EPN2: variants seen among roughly 807,000 people sequenced by gnomAD.
EPN2 encodes epsin-2.
In EPN2, 34 loss-of-function variants were observed where a neutral mutation model predicts 61.7. That is an observed-to-expected ratio of 0.55 (90% CI 0.42 to 0.73). EPN2 has a LOEUF of 0.73. Among genes scored for constraint, EPN2 ranks in the 30% least tolerant of loss-of-function variants. EPN2 has a pLI of 0.00. For missense variants in EPN2, 714 were observed against 839.2 expected (o/e 0.85, Z 1.84); for synonymous variants, 349 against 353.6 (o/e 0.99, Z 0.15).
chr17:19,273,697 T>A (rs2045278321), intron 1 of EPN2, among the ~76,000 whole-genome samples: 1 of 151,908 alleles, frequency 6.6e-6, no homozygotes, highest in Admixed American at 6.5e-5. Flanking sequence ...CAACAAGAAG[T>A]CATCAGAATA....
intron 7 of EPN2, among the ~76,000 whole-genome samples, chr17:19,320,724 T>C (rs1906598813): frequency 6.6e-6 from 1 of 152,194 alleles, no homozygotes. Flanking sequence ...GAAAGCTCCA[T>C]GTCTTAGATA....
intron 7 of EPN2, among the ~76,000 whole-genome samples, chr17:19,318,796 G>A (rs902811077): frequency 3.9e-5 from 6 of 152,032 alleles, no homozygotes; most frequent in Non-Finnish European, 7.4e-5. Context: ...CCTGGCCCAT[G>A]AGTCCTGGAT....
At chr17:19,266,642 T>G (rs1434539428) in intron 1 of EPN2, among the ~76,000 whole-genome samples, 1 of 151,832 alleles carries the variant, frequency 6.6e-6, no homozygotes, top group Non-Finnish European at 1.5e-5. Context: ...CACCTCGTGA[T>G]CTGCCCGCCT....
chr17:19,261,115 C>G (rs2045137139), intron 1 of EPN2, among the ~76,000 whole-genome samples: 1 of 152,198 alleles, frequency 6.6e-6, no homozygotes, highest in African/African-American at 2.4e-5. Flanking sequence ...GGGTGGCATC[C>G]CGCAGGCACA....
intron 7 of EPN2, among the ~76,000 whole-genome samples, chr17:19,325,885 A>G (rs1368662034): frequency 1.3e-5 from 2 of 152,250 alleles, no homozygotes; most frequent in East Asian, 3.8e-4. Context: ...ATTAGAATCA[A>G]TAATTGGAAT....
At chr17:19,265,136 C>A (rs889404385) in intron 1 of EPN2, among the ~76,000 whole-genome samples, 4 of 152,054 alleles carry the variant, frequency 2.6e-5, no homozygotes, top group Non-Finnish European at 4.4e-5. Flanking sequence ...CTCACACTTA[C>A]AATCTCAGCA....
Position 19,335,397 on chromosome 17 carries a change from T to TA in EPN2, c.*1144dup, listed in dbSNP as rs1345150002. On this transcript the variant is annotated 3_prime_UTR_variant, in exon 11 of 11. Coordinates refer to ENST00000314728, the MANE Select transcript of EPN2 (RefSeq NM_014964.5). ...TTTTTATCAACTAATTCCTTTTTTT[T>TA]ATTAAAGGCATGCAGGGATTAACAG... 9 of 1,548,302 alleles carry TA rather than the reference T, an allele frequency of 5.8e-6. No individual in the cohort carries two copies. Among genetic ancestry groups the TA allele is most frequent in the East Asian group, 2.4e-5 (1 of 40,914 alleles).
chr17:19,311,944 C>T, intron 5 of EPN2, 108 bp from the exon 6 acceptor site: 1 of 761,852 alleles, frequency 1.3e-6, no homozygotes, highest in South Asian at 1.6e-5. Flanking sequence ...TGAAATCTTC[C>T]TTTGAAATAC....
At position 19,321,501 on chromosome 17, in the gene EPN2, C is replaced by G. The variant is rs143714879; in HGVS notation, c.1148-7210C>G. Among the ~76,000 whole-genome samples, 1,020 of 152,240 alleles carry G rather than the reference C, an allele frequency of 6.7e-3. 15 individuals carry two copies. The highest frequency in any genetic ancestry group is 0.024 in the African/African-American group (979 of 41,534). ...TCTGTTGCCAGGGCAGGATCTGTCC[C>G]TTTTGAGACTGACTGGAAGTGGGTG... On this transcript the variant is annotated intron_variant, in intron 7 of 10. Coordinates refer to ENST00000314728, the MANE Select transcript of EPN2 (RefSeq NM_014964.5).
intron 7 of EPN2, among the ~76,000 whole-genome samples, chr17:19,318,653 CTGT>C (rs1176790751): frequency 1.3e-5 from 2 of 150,110 alleles, no homozygotes; most frequent in East Asian, 1.9e-4. Context: ...CTTAGCAGTG[CTGT>C]TGTTTGTTAT....
intron 5 of EPN2, 86 bp from the exon 6 acceptor site, chr17:19,311,966 A>G (rs1766037541): frequency 3.5e-6 from 3 of 855,808 alleles, no homozygotes; most frequent in African/African-American, 1.7e-5. Flanking sequence ...GCATCATACA[A>G]TGTGCATTTC....
At chr17:19,274,289 G>A (rs2045285039) in intron 1 of EPN2, 1 of 152,272 alleles carries the variant, frequency 6.6e-6, no homozygotes, top group Admixed American at 6.5e-5. Flanking sequence ...TCTGGTTGAT[G>A]GACCACACTG....
In EPN2 at chr17:19,286,921, C is replaced by A. The variant is rs192082849; in HGVS notation, c.766+1131C>A. 2.4e-3 allele frequency among the ~76,000 whole-genome samples: 368 copies of A among 152,196 alleles called. 2 individuals carry two copies. Among genetic ancestry groups the A allele is most frequent in the Admixed American group, 0.013 (194 of 15,292 alleles). On this transcript the variant is annotated intron_variant, in intron 4 of 10. Coordinates refer to ENST00000314728, the MANE Select transcript of EPN2 (RefSeq NM_014964.5). ...CATTGGAGTTACATGCCCATTTCAC[C>A]CCCCCAGATAGTCAGAGGCTGCTGT...
chr17:19,296,909 A>T (rs1426771616), intron 4 of EPN2: 1 of 152,236 alleles, frequency 6.6e-6, no homozygotes. Context: ...ATGCCTGGCC[A>T]CGTGTTGGTG....
rs60753158 is a variant in EPN2 at position 19,291,427 on chromosome 17, A to ATTT, written c.766+5663_766+5665dup. Among the ~76,000 whole-genome samples the ATTT allele has an allele frequency of 4.3e-5, 3 of 69,834 alleles. No homozygotes were observed. The South Asian group carries it at 1.8e-3, about 42-fold the overall frequency. 45.8% of individuals were successfully genotyped at this position (69,834 alleles called of 152,430 possible). A position where few individuals can be genotyped will look rare whatever the true frequency, so the allele number is the denominator to read the frequency against. On this transcript the variant is annotated intron_variant, in intron 4 of 10. Coordinates refer to ENST00000314728, the MANE Select transcript of EPN2 (RefSeq NM_014964.5). ...GGCTATCCACGGTTATCAGCCATTC[A>ATTT]TTTTTTTTTTTTTTTTTTTTTTTTT... is the stretch of plus-strand genomic sequence containing the variant.
chr17:19,258,650 A>G (rs1421941502), intron 1 of EPN2, among the ~76,000 whole-genome samples: 1 of 152,224 alleles, frequency 6.6e-6, no homozygotes, highest in Non-Finnish European at 1.5e-5. Flanking sequence ...GATTTAACCT[A>G]GAGAGCTAGT....
rs950294283 is a variant in EPN2, at chr17:19,237,422, C to G, written c.-403C>G. On this transcript the variant is annotated 5_prime_UTR_variant, in exon 1 of 11. Coordinates refer to ENST00000314728, the MANE Select transcript of EPN2 (RefSeq NM_014964.5). The stretch of plus-strand genomic sequence containing the variant: ...TGTTGGCTGGTGTGTGGGTGTCAAA[C>G]TGAGCCAGACGCGGCGGTGGCGGCG... 6.6e-6 allele frequency: 1 copy of G among 152,058 alleles called. No homozygotes were observed. Among genetic ancestry groups the G allele is most frequent in the Non-Finnish European group, 1.5e-5 (1 of 67,992 alleles). The allele number at this position is 152,058 out of a possible 1,614,324, so 9.4% of individuals were successfully genotyped here. A position where few individuals can be genotyped will look rare whatever the true frequency, so the allele number is the denominator to read the frequency against.
At chr17:19,298,653 C>G (rs192706608) in intron 4 of EPN2, among the ~76,000 whole-genome samples, 2 of 152,156 alleles carry the variant, frequency 1.3e-5, no homozygotes, top group Non-Finnish European at 2.9e-5. Flanking sequence ...TACAGACACC[C>G]GCTACCGAGC....
rs146727832 is a variant in EPN2 at position 19,278,892 on chromosome 17, C to G, written c.-293-3063C>G. On this transcript the variant is annotated intron_variant, in intron 1 of 10. Transcript: ENST00000314728. ...CCTCAAGTGATCCTCCCACATCGGC[C>G]TCCCAGAGTGCTGGGATTACAGTCA... 2.8e-4 allele frequency among the ~76,000 whole-genome samples: 42 copies of G among 152,284 alleles called. No individual in the cohort carries two copies. In the East Asian group the frequency reaches 7.1e-3, roughly 26 times the overall value.
Sources: gnomAD v4.1 joint callset for allele counts (sites outside exome capture counted in the v4.1 genomes callset) on GRCh38, gnomAD v4.1.1 for gene constraint, MANE v1.5 for transcripts, NCBI Gene and HGNC (gene_info 2026-07-23, HGNC 2026-07-21) for gene names.